Variants in MSRA observed in about 807,000 individuals in gnomAD.
MSRA encodes the protein methionine sulfoxide reductase A, also known as mitochondrial peptide methionine sulfoxide reductase.
Under a neutral mutation model 31.3 loss-of-function variants are expected in MSRA, and 54 were observed. The observed-to-expected ratio is 1.73, with a 90% CI of 1.39 to 2.17. MSRA has a LOEUF of 2.17. Among genes scored for constraint, MSRA ranks in the 30% most tolerant of loss-of-function variants. The probability of loss-of-function intolerance (pLI) is 0.00; values close to 1 mark genes in which losing one functional copy is unlikely to be tolerated. For missense variants in MSRA, 507 were observed against 300.9 expected, an observed-to-expected ratio of 1.69 and a Z score of -5.07; for synonymous variants, 169 against 116.5, an observed-to-expected ratio of 1.45 and a Z score of -2.90.
At chr8:10,354,149 T>A (rs576043686) in intron 5 of MSRA, among the ~76,000 whole-genome samples, 17 of 152,366 alleles carry the variant, frequency 1.1e-4, no homozygotes, top group Non-Finnish European at 2.2e-4. Flanking sequence ...AGTTTAAGTT[T>A]ATCATTTGCT....
chr8:10,180,701 T>C lies in MSRA; in HGVS notation c.143-27132T>C, dbSNP rs543035122. 2.0e-5 allele frequency among the ~76,000 whole-genome samples: 3 copies of C among 152,298 alleles called. No homozygotes were observed. The South Asian group carries it at 6.2e-4, about 32-fold the overall frequency. Reference sequence around the variant, plus strand: ...ACCAGAGGCAGAGAGCAAATACATATTCCTTTTTGTGTCATAATTGTATAT... The same window carrying C: ...ACCAGAGGCAGAGAGCAAATACATACTCCTTTTTGTGTCATAATTGTATAT... On this transcript the variant is annotated intron_variant, in intron 1 of 5. Coordinates refer to ENST00000317173, the MANE Select transcript of MSRA (RefSeq NM_012331.5).
At chr8:10,092,178 A>G (rs897501293) in intron 1 of MSRA, among the ~76,000 whole-genome samples, 2 of 151,780 alleles carry the variant, frequency 1.3e-5, no homozygotes, top group Non-Finnish European at 2.9e-5. Flanking sequence ...TTTCTTCATT[A>G]TTTAGGAGTG....
intron 1 of MSRA, among the ~76,000 whole-genome samples, chr8:10,171,368 CTTTT>C: frequency 7.0e-6 from 1 of 143,280 alleles, no homozygotes; most frequent in Middle Eastern, 3.7e-3. Flanking sequence ...TTAAACTGTA[CTTTT>C]TTTTTTTTTT....
chr8:10,252,309 C>G (rs898137200), intron 3 of MSRA, among the ~76,000 whole-genome samples: 1 of 152,084 alleles, frequency 6.6e-6, no homozygotes, highest in Non-Finnish European at 1.5e-5. Context: ...GTGAGGTGGA[C>G]AGTCAAGGAT....
chr8:10,270,777 G>C (rs1798992897), intron 3 of MSRA, among the ~76,000 whole-genome samples: 1 of 152,230 alleles, frequency 6.6e-6, no homozygotes, highest in South Asian at 2.1e-4. Flanking sequence ...ATTTAGGAAA[G>C]CTGTGATTCC....
intron 1 of MSRA, among the ~76,000 whole-genome samples, chr8:10,104,099 G>T (rs1199888089): frequency 6.6e-6 from 1 of 152,060 alleles, no homozygotes; most frequent in Non-Finnish European, 1.5e-5. Context: ...TCTCATTTTA[G>T]CGTAGCCATT....
intron 5 of MSRA, among the ~76,000 whole-genome samples, chr8:10,405,219 C>T (rs1008588049): frequency 6.6e-6 from 1 of 152,142 alleles, no homozygotes; most frequent in Admixed American, 6.5e-5. Flanking sequence ...GAGTGCCTCT[C>T]CCCTCTGTCA....
intron 3 of MSRA, among the ~76,000 whole-genome samples, chr8:10,271,905 A>T (rs1209893277): frequency 6.6e-6 from 1 of 152,114 alleles, no homozygotes; most frequent in African/African-American, 2.4e-5. Context: ...TTTAGTAAAG[A>T]CAGAGTTGGT....
chr8:10,227,286 A>T (rs1423116394), intron 2 of MSRA, among the ~76,000 whole-genome samples: 1 of 152,070 alleles, frequency 6.6e-6, no homozygotes, highest in Non-Finnish European at 1.5e-5. Flanking sequence ...GTCCCTTGTG[A>T]CCTCAAGGGA....
intron 5 of MSRA, among the ~76,000 whole-genome samples, chr8:10,325,619 A>G (rs1345945890): frequency 6.6e-6 from 1 of 152,266 alleles, no homozygotes; most frequent in Non-Finnish European, 1.5e-5. Context: ...CTGATAATAC[A>G]AACATTGCAA....
intron 1 of MSRA, among the ~76,000 whole-genome samples, chr8:10,066,952 C>G (rs1797483314): frequency 6.6e-6 from 1 of 151,870 alleles, no homozygotes; most frequent in African/African-American, 2.4e-5. Flanking sequence ...ACACACTCCT[C>G]CCTGAGTTTC....
At chr8:10,260,712 C>T (rs1279760355) in intron 3 of MSRA, among the ~76,000 whole-genome samples, 2 of 152,108 alleles carry the variant, frequency 1.3e-5, no homozygotes, top group Non-Finnish European at 2.9e-5. Flanking sequence ...GAATAAAAAG[C>T]AAACGAGATT....
intron 3 of MSRA, among the ~76,000 whole-genome samples, chr8:10,270,114 C>G (rs1014218396): frequency 6.6e-6 from 1 of 152,172 alleles, no homozygotes; most frequent in African/African-American, 2.4e-5. Flanking sequence ...CTTGTATGAA[C>G]TGAAAAACTT....
chr8:10,140,764 G>A (rs866469037), intron 1 of MSRA, among the ~76,000 whole-genome samples: 2 of 152,072 alleles, frequency 1.3e-5, no homozygotes, highest in Admixed American at 6.5e-5. Flanking sequence ...AGAGAAGTAC[G>A]TTCTACTTTG....
intron 1 of MSRA, among the ~76,000 whole-genome samples, chr8:10,167,116 C>T (rs1477905108): frequency 6.6e-6 from 1 of 152,128 alleles, no homozygotes; most frequent in Non-Finnish European, 1.5e-5. Context: ...CATTCTCTTC[C>T]AACACTGCTT....
At chr8:10,161,122 G>A (rs1169520339) in intron 1 of MSRA, among the ~76,000 whole-genome samples, 2 of 152,060 alleles carry the variant, frequency 1.3e-5, no homozygotes, top group East Asian at 1.9e-4. Context: ...TTCTAAATAC[G>A]GTCTGTGTGA....
At chr8:10,287,680 T>C (rs79785468) in intron 3 of MSRA, among the ~76,000 whole-genome samples, 7,624 of 152,256 alleles carry the variant, frequency 0.05, 241 homozygotes, top group Non-Finnish European at 0.078. Flanking sequence ...TAAGTTAAAA[T>C]AACGACAGGC....
chr8:10,208,440 G>A lies in MSRA; in HGVS notation c.211+539G>A, dbSNP rs1004566136. ...TTATGTGGTTGAGCAGAACTTCTCTGTTAAAATTCCAAACTGTTTGGTGAA... is the reference window on the plus strand; with the variant it reads ...TTATGTGGTTGAGCAGAACTTCTCTATTAAAATTCCAAACTGTTTGGTGAA... On this transcript the variant is annotated intron_variant, in intron 2 of 5. Transcript: ENST00000317173. Among the ~76,000 whole-genome samples the A allele has an allele frequency of 7.9e-5, 12 of 152,342 alleles. No individual in the cohort carries two copies. The East Asian group carries it at 2.3e-3, about 29-fold the overall frequency.
intron 4 of MSRA, among the ~76,000 whole-genome samples, chr8:10,305,363 A>G (rs748821530): frequency 5.4e-5 from 8 of 148,514 alleles, no homozygotes; most frequent in Admixed American, 1.3e-4. Context: ...CTCTCATAGT[A>G]TCTGCCCTAA....
Sources: gnomAD v4.1 joint callset for allele counts (sites outside exome capture counted in the v4.1 genomes callset) on GRCh38, gnomAD v4.1.1 for gene constraint, MANE v1.5 for transcripts, NCBI Gene and HGNC (gene_info 2026-07-23, HGNC 2026-07-21) for gene names.